The following FGFR1OP2 variants were observed in gnomAD, a reference collection of about 807,000 sequenced individuals.
FGFR1OP2 encodes FGFR1 oncogene partner 2.
A neutral mutation model predicts 35.2 loss-of-function variants in FGFR1OP2; 17 were observed. That is an observed-to-expected ratio of 0.48 (90% CI 0.33 to 0.73). The LOEUF (loss-of-function observed/expected upper bound fraction) is 0.73. Ranked by LOEUF, FGFR1OP2 falls within the 30% of genes least tolerant of loss-of-function variation. The pLI, the probability that FGFR1OP2 is intolerant of heterozygous loss-of-function variation, is 0.02. For missense variants in FGFR1OP2, 251 were observed against 307.3 expected, an observed-to-expected ratio of 0.82 and a Z score of 1.37; for synonymous variants, 105 against 104.6, an observed-to-expected ratio of 1.00 and a Z score of -0.03.
intron 6 of FGFR1OP2, among the ~76,000 whole-genome samples, chr12:26,964,356 A>G (rs906172951): frequency 6.6e-6 from 1 of 152,178 alleles, no homozygotes; most frequent in African/African-American, 2.4e-5. Context: ...GTTTACAATT[A>G]TAGCTGCTTA....
intron 1 of FGFR1OP2, among the ~76,000 whole-genome samples, chr12:26,945,528 ATTAC>A (rs1449803159): frequency 2.6e-5 from 4 of 152,134 alleles, no homozygotes; most frequent in Admixed American, 6.5e-5. Context: ...TTATCTCTTA[ATTAC>A]TTACTTTAGT....
chr12:26,957,922 T>C (rs1939048601), intron 4 of FGFR1OP2, 179 bp downstream of exon 4: 5 of 503,022 alleles, frequency 9.9e-6, no homozygotes, highest in Middle Eastern at 5.4e-4. Context: ...TTTCTTGTTA[T>C]ATATCATTTT....
intron 4 of FGFR1OP2, among the ~76,000 whole-genome samples, chr12:26,959,504 A>G (rs1180830090): frequency 3.3e-5 from 5 of 152,208 alleles, no homozygotes; most frequent in South Asian, 2.1e-4. Context: ...AAAAGTGCTT[A>G]GAATAGGATA....
At chr12:26,939,551 C>A (rs915513806) in intron 1 of FGFR1OP2, among the ~76,000 whole-genome samples, 1 of 152,142 alleles carries the variant, frequency 6.6e-6, no homozygotes, top group Non-Finnish European at 1.5e-5. Flanking sequence ...TTTGTACGTG[C>A]GGATGTCTAG....
chr12:26,966,605 C>A lies in FGFR1OP2; in HGVS notation c.*1872C>A, dbSNP rs1442670698. 6.7e-6 allele frequency: 1 copy of A among 148,190 alleles called. No homozygotes were observed. Among genetic ancestry groups the A allele is most frequent in the Non-Finnish European group, 1.5e-5 (1 of 67,456 alleles). The allele number at this position is 148,190 out of a possible 1,614,324, so 9.2% of individuals were successfully genotyped here. A position where few individuals can be genotyped will look rare whatever the true frequency, so the allele number is the denominator to read the frequency against. ...AAGTTTATGTTTGAGGTATGTACTGCATAGGAACCTATTTTATTATTAAAG... is the reference window on the plus strand; with the variant it reads ...AAGTTTATGTTTGAGGTATGTACTGAATAGGAACCTATTTTATTATTAAAG... On this transcript the variant is annotated 3_prime_UTR_variant, in exon 7 of 7. Transcript: ENST00000229395.
chr12:26,949,300 T>C (rs545392099), intron 1 of FGFR1OP2, among the ~76,000 whole-genome samples: 1 of 151,998 alleles, frequency 6.6e-6, no homozygotes, highest in Non-Finnish European at 1.5e-5. Flanking sequence ...CACGCCCTGC[T>C]AATTTTTTTG....
chr12:26,956,501 T>TA, intron 2 of FGFR1OP2, 42 bp from the exon 3 acceptor site: 4 of 535,422 alleles, frequency 7.5e-6, no homozygotes, highest in Non-Finnish European at 9.3e-6. Flanking sequence ...TATATATATA[T>TA]TTGCAGGTAT....
chr12:26,963,541 T>G, intron 6 of FGFR1OP2, 86 bp downstream of exon 6: 1 of 857,600 alleles, frequency 1.2e-6, no homozygotes, highest in South Asian at 1.9e-5. Flanking sequence ...AATATATATT[T>G]ACTCTTCTTG....
At chr12:26,946,359 A>G (rs1462737024) in intron 1 of FGFR1OP2, among the ~76,000 whole-genome samples, 1 of 152,082 alleles carries the variant, frequency 6.6e-6, no homozygotes, top group East Asian at 1.9e-4. Flanking sequence ...TGCCCAGGCT[A>G]AAGTTTAGTG....
intron 1 of FGFR1OP2, among the ~76,000 whole-genome samples, chr12:26,945,215 G>A (rs909707956): frequency 5.9e-5 from 9 of 151,438 alleles, no homozygotes; most frequent in Non-Finnish European, 1.2e-4. Flanking sequence ...TCTCAATTTC[G>A]TTGATTTCTA....
At chr12:26,959,806 A>G (rs1939077090) in intron 4 of FGFR1OP2, among the ~76,000 whole-genome samples, 1 of 152,226 alleles carries the variant, frequency 6.6e-6, no homozygotes, top group South Asian at 2.1e-4. Flanking sequence ...CTTCGACTTA[A>G]TTAAACAAAC....
At chr12:26,954,655 A>G (rs1380995191) in intron 2 of FGFR1OP2, among the ~76,000 whole-genome samples, 1 of 152,154 alleles carries the variant, frequency 6.6e-6, no homozygotes, top group African/African-American at 2.4e-5. Flanking sequence ...TTTCTTTATA[A>G]AAGTACTTAG....
chr12:26,944,231 C>T (rs999562768), intron 1 of FGFR1OP2, among the ~76,000 whole-genome samples: 2 of 152,024 alleles, frequency 1.3e-5, no homozygotes, highest in South Asian at 2.1e-4. Context: ...GAAAAGGGGC[C>T]GTTTTATTTC....
chr12:26,954,082 TG>T (rs1247300343), intron 1 of FGFR1OP2, 62 bp from the exon 2 acceptor site: 1 of 1,246,706 alleles, frequency 8.0e-7, no homozygotes, highest in African/African-American at 1.5e-5. Flanking sequence ...TGTGTTGACA[TG>T]AAGCTAAAAT....
chr12:26,941,994 G>T lies in FGFR1OP2; in HGVS notation c.-15+3284G>T, dbSNP rs114363686. ...AAATTCTATTTTTGGTACTAGTTTG[G>T]CTCTTTCCTTGCTTTGTGGTGCTGT... On this transcript the variant is annotated intron_variant, in intron 1 of 6. Coordinates refer to ENST00000229395, the MANE Select transcript of FGFR1OP2 (RefSeq NM_015633.3). 7.8e-3 allele frequency among the ~76,000 whole-genome samples: 1,183 copies of T among 152,242 alleles called. 17 individuals are homozygous for T. The highest frequency in any genetic ancestry group is 0.026 in the African/African-American group (1,091 of 41,522).
chr12:26,957,817 G>T (rs929412142), intron 4 of FGFR1OP2, 74 bp downstream of exon 4: 4 of 1,347,218 alleles, frequency 3.0e-6, no homozygotes, highest in East Asian at 2.6e-5. Flanking sequence ...GATTTTTTTT[G>T]AAAAAAATCA....
chr12:26,963,583 A>C (rs371948627), intron 6 of FGFR1OP2, 128 bp downstream of exon 6: 34 of 566,218 alleles, frequency 6.0e-5, no homozygotes, highest in Non-Finnish European at 9.1e-5. Flanking sequence ...GATGCTGTCT[A>C]TGTGGGCATA....
chr12:26,951,293 A>AC lies in FGFR1OP2; in HGVS notation c.-14-2846dup, dbSNP rs1334037590. On this transcript the variant is annotated intron_variant, in intron 1 of 6. Coordinates refer to ENST00000229395, the MANE Select transcript of FGFR1OP2 (RefSeq NM_015633.3). ...CTCCCAAATAGCTGGGATTACAGGC[A>AC]CCCCCCGACCAGGCCCGGCTAATTT... Among the ~76,000 whole-genome samples the AC allele has an allele frequency of 2.6e-5, 4 of 151,230 alleles. No homozygotes were observed. The East Asian group carries it at 7.8e-4, about 29-fold the overall frequency.
intron 1 of FGFR1OP2, among the ~76,000 whole-genome samples, chr12:26,952,924 G>A (rs1002733159): frequency 1.3e-5 from 2 of 152,118 alleles, no homozygotes; most frequent in African/African-American, 4.8e-5. Flanking sequence ...AAACCCTGAA[G>A]AAAGGATGAC....
Sources: allele counts gnomAD v4.1 joint callset (sites outside exome capture counted in the v4.1 genomes callset), GRCh38; gene constraint gnomAD v4.1.1; transcripts MANE v1.5; gene names NCBI Gene and HGNC (gene_info 2026-07-23, HGNC 2026-07-21).